Variants in ST7L observed in about 807,000 individuals in gnomAD.
The protein encoded by ST7L is suppression of tumorigenicity 7 like, also known as suppressor of tumorigenicity 7 protein-like.
ST7L carries 57 observed loss-of-function variants against 72.5 expected under a neutral mutation model. That is an observed-to-expected ratio of 0.79 (90% CI 0.64 to 0.98). ST7L has a LOEUF of 0.98. Ranked by LOEUF, ST7L falls within the 50% of genes least tolerant of loss-of-function variation. ST7L has a pLI of 0.00. For synonymous variants in ST7L, 221 were observed against 240.9 expected, an observed-to-expected ratio of 0.92 and a Z score of 0.77; for missense variants, 576 against 672.2, an observed-to-expected ratio of 0.86 and a Z score of 1.58.
chr1:112,579,463 T>C (rs1435241722), intron 9 of ST7L, among the ~76,000 whole-genome samples: 1 of 150,710 alleles, frequency 6.6e-6, no homozygotes, highest in African/African-American at 2.4e-5. Flanking sequence ...ATTAGAACTA[T>C]GTAAAACCTT....
intron 5 of ST7L, among the ~76,000 whole-genome samples, chr1:112,592,641 A>G (rs1482855969): frequency 6.6e-6 from 1 of 152,192 alleles, no homozygotes; most frequent in Non-Finnish European, 1.5e-5. Context: ...TTTTGATGAT[A>G]GGCTGTCTTC....
intron 14 of ST7L, chr1:112,528,805 C>T (rs1653878897): frequency 6.6e-6 from 1 of 152,120 alleles, no homozygotes; most frequent in African/African-American, 2.4e-5. Context: ...GCAGATTTAT[C>T]GTATCTGAGG....
intron 13 of ST7L, among the ~76,000 whole-genome samples, chr1:112,542,645 C>T (rs567883673): frequency 6.6e-6 from 1 of 151,984 alleles, no homozygotes; most frequent in South Asian, 2.1e-4. Flanking sequence ...GGTCCAGCTA[C>T]TCTGGAGGAT....
At chr1:112,526,476 A>G (rs1437787269) in intron 14 of ST7L, 4 of 169,466 alleles carry the variant, frequency 2.4e-5, no homozygotes, top group African/African-American at 7.1e-5. Context: ...GCAGTGGCTC[A>G]TGCCTGTAAT....
chr1:112,574,754 TAAG>T (rs1662830932), intron 11 of ST7L, among the ~76,000 whole-genome samples: 1 of 151,852 alleles, frequency 6.6e-6, no homozygotes, highest in African/African-American at 2.4e-5. Flanking sequence ...TACAAATGAA[TAAG>T]AATAGTGGTT....
chr1:112,533,306 T>A lies in ST7L; in HGVS notation c.1630-7195A>T, dbSNP rs181681875. Among the ~76,000 whole-genome samples the A allele has an allele frequency of 3.7e-4, 56 of 151,256 alleles. 1 individual carries two copies. The highest frequency in any genetic ancestry group is 3.3e-3 in the Admixed American group (49 of 15,060). On this transcript the variant is annotated intron_variant, in intron 14 of 14. Transcript: ENST00000358039. Reference sequence around the variant, plus strand: ...AATGAATCAGTTTGAAAGAAAAGCATATGTGCGTTATTTTATTTTATTTTT... The same window carrying A: ...AATGAATCAGTTTGAAAGAAAAGCAAATGTGCGTTATTTTATTTTATTTTT...
At chr1:112,617,872 C>G (rs569583561) in intron 1 of ST7L, 31 of 573,934 alleles carry the variant, frequency 5.4e-5, no homozygotes, top group Non-Finnish European at 8.2e-5. Context: ...TAGAAACCAC[C>G]GTTAAGCACT....
intron 13 of ST7L, among the ~76,000 whole-genome samples, chr1:112,548,943 A>G (rs1657617122): frequency 6.6e-6 from 1 of 152,056 alleles, no homozygotes. Context: ...TCTTCTTCAT[A>G]AAGATTGTTT....
chr1:112,610,057 T>G (rs1320165701), intron 3 of ST7L, among the ~76,000 whole-genome samples: 1 of 152,026 alleles, frequency 6.6e-6, no homozygotes, highest in East Asian at 1.9e-4. Context: ...ATATATACAC[T>G]GAGAAAATGA....
intron 14 of ST7L, among the ~76,000 whole-genome samples, chr1:112,533,202 G>A (rs985785982): frequency 1.3e-5 from 2 of 152,150 alleles, no homozygotes; most frequent in South Asian, 4.1e-4. Context: ...AGTCTATGCA[G>A]TAACGTTTGA....
rs201268066 is a variant in ST7L at position 112,546,965 on chromosome 1, C to CAT, written c.1489+3634_1489+3635dup. Among the ~76,000 whole-genome samples, 485 of 151,414 alleles carry CAT rather than the reference C, an allele frequency of 3.2e-3. 4 individuals carry two copies. The highest frequency in any genetic ancestry group is 0.011 in the African/African-American group (439 of 41,240). Reference sequence around the variant, plus strand: ...AAGCATATAAATCTCTATATATGTACATATATATATACACATATACAGGTA... The same window carrying CAT: ...AAGCATATAAATCTCTATATATGTACATATATATATATACACATATACAGGTA... On this transcript the variant is annotated intron_variant, in intron 13 of 14. Transcript: ENST00000358039.
At chr1:112,591,728 AC>A (rs1178649602) in intron 5 of ST7L, 125 bp from the exon 6 acceptor site, 1 of 553,092 alleles carries the variant, frequency 1.8e-6, no homozygotes, top group Non-Finnish European at 3.0e-6. Flanking sequence ...AAAACAAGAA[AC>A]TAGGTTATTA....
intron 14 of ST7L, chr1:112,528,287 G>A (rs1653789481): frequency 1.3e-5 from 2 of 152,190 alleles, no homozygotes; most frequent in Non-Finnish European, 2.9e-5. Context: ...GGAATTTCAA[G>A]CAAGTACACA....
intron 11 of ST7L, among the ~76,000 whole-genome samples, chr1:112,573,015 A>C (rs1471509849): frequency 6.6e-6 from 1 of 152,164 alleles, no homozygotes; most frequent in East Asian, 1.9e-4. Flanking sequence ...AAATCCCTAA[A>C]GAACCTGATC....
intron 5 of ST7L, 23 bp from the exon 6 acceptor site, chr1:112,591,626 A>G: frequency 6.3e-7 from 1 of 1,579,902 alleles, no homozygotes; most frequent in South Asian, 1.2e-5. Flanking sequence ...ATTCCATAAA[A>G]TAGATGAGAT....
At chr1:112,563,565 G>A (rs1440172057) in intron 11 of ST7L, among the ~76,000 whole-genome samples, 2 of 152,180 alleles carry the variant, frequency 1.3e-5, no homozygotes, top group Non-Finnish European at 2.9e-5. Context: ...AGCCTATTGT[G>A]TCTGTAATGA....
intron 11 of ST7L, among the ~76,000 whole-genome samples, chr1:112,573,901 T>C (rs1425004215): frequency 6.8e-6 from 1 of 147,288 alleles, no homozygotes; most frequent in Non-Finnish European, 1.5e-5. Context: ...CTTCGTTTTT[T>C]CTTTTCCTGT....
At chr1:112,532,891 A>C (rs1214734528) in intron 14 of ST7L, among the ~76,000 whole-genome samples, 1 of 152,140 alleles carries the variant, frequency 6.6e-6, no homozygotes, top group Non-Finnish European at 1.5e-5. Flanking sequence ...CTACCTATTG[A>C]TACAATTACT....
chr1:112,596,315 G>T (rs1353783953), intron 5 of ST7L, among the ~76,000 whole-genome samples: 3 of 152,158 alleles, frequency 2.0e-5, no homozygotes, highest in Non-Finnish European at 2.9e-5. Flanking sequence ...GCAGGAAACT[G>T]GCTATTTTTC....
Sources: gnomAD v4.1 joint callset for allele counts (sites outside exome capture counted in the v4.1 genomes callset) on GRCh38, gnomAD v4.1.1 for gene constraint, MANE v1.5 for transcripts, NCBI Gene and HGNC (gene_info 2026-07-23, HGNC 2026-07-21) for gene names.